The following NAA11 variants were observed in gnomAD, a reference collection of about 807,000 sequenced individuals.
The protein encoded by NAA11 is N-alpha-acetyltransferase 11.
Under a neutral mutation model 16.1 loss-of-function variants are expected in NAA11, and 15 were observed. The ratio of observed to expected loss-of-function variants is 0.93; its 90% CI spans 0.62 to 1.44. The LOEUF is 1.44. NAA11 is among the 40% of genes most tolerant of loss of function. The probability of loss-of-function intolerance (pLI) is 0.00; values close to 1 mark genes in which losing one functional copy is unlikely to be tolerated. For missense variants in NAA11, 298 were observed against 291.3 expected, an observed-to-expected ratio of 1.02 and a Z score of -0.17; for synonymous variants, 122 against 112.4, an observed-to-expected ratio of 1.09 and a Z score of -0.54.
intron 2 of NAA11, among the ~76,000 whole-genome samples, chr4:79,280,138 G>T (rs1011022365): frequency 6.6e-6 from 1 of 152,112 alleles, no homozygotes; most frequent in Non-Finnish European, 1.5e-5. Flanking sequence ...AGCAAGTAAT[G>T]TTAAGTGCTG....
intron 2 of NAA11, among the ~76,000 whole-genome samples, chr4:79,248,193 G>C (rs1721887639): frequency 6.6e-6 from 1 of 152,076 alleles, no homozygotes; most frequent in Admixed American, 6.5e-5. Context: ...CCACATCATA[G>C]CTCATGCACA....
intron 2 of NAA11, among the ~76,000 whole-genome samples, chr4:79,281,034 T>C (rs994459715): frequency 5.3e-5 from 8 of 151,982 alleles, no homozygotes; most frequent in Non-Finnish European, 1.2e-4. Context: ...CTAACACTTA[T>C]CAATGCTTTC....
intron 2 of NAA11, among the ~76,000 whole-genome samples, chr4:79,275,503 C>T (rs965424878): frequency 2.0e-5 from 3 of 152,098 alleles, no homozygotes; most frequent in Admixed American, 2.0e-4. Context: ...AGTAAGGCAA[C>T]ATTTTCACTC....
chr4:79,292,892 A>T (rs1723119201), intron 2 of NAA11, among the ~76,000 whole-genome samples: 1 of 152,206 alleles, frequency 6.6e-6, no homozygotes, highest in African/African-American at 2.4e-5. Flanking sequence ...CTCTGACTCC[A>T]AAGCCAGGAT....
intron 2 of NAA11, among the ~76,000 whole-genome samples, chr4:79,274,201 T>C (rs192641048): frequency 3.0e-4 from 45 of 152,168 alleles, no homozygotes; most frequent in Middle Eastern, 6.8e-3. Flanking sequence ...TGGCTATGAG[T>C]AATGCCTCCT....
At chr4:79,223,533 A>G (rs1267954050), downstream of NAA11, among the ~76,000 whole-genome samples, 1 of 149,768 alleles carries the variant, frequency 6.7e-6, no homozygotes, top group Non-Finnish European at 1.5e-5. Context: ...ACCAGGAGAT[A>G]TACCTAATGC....
chr4:79,157,308 C>T, the NAA11 span, among the ~76,000 whole-genome samples: 71 of 152,192 alleles, frequency 4.7e-4, 1 homozygote, highest in Non-Finnish European at 8.8e-4. Flanking sequence ...GATGCCTTTG[C>T]ATCCTCATAG....
the NAA11 span, among the ~76,000 whole-genome samples, chr4:79,192,641 G>T: frequency 6.6e-6 from 1 of 152,024 alleles, no homozygotes; most frequent in Admixed American, 6.6e-5. Context: ...TGGGCATTTA[G>T]GTTGGTTCCA....
the NAA11 span, among the ~76,000 whole-genome samples, chr4:79,155,617 G>A: frequency 6.6e-6 from 1 of 152,314 alleles, no homozygotes; most frequent in Non-Finnish European, 1.5e-5. Flanking sequence ...ATCAAAGCTA[G>A]TGGAAGTACA....
chr4:79,220,889 A>G (rs1167370062), downstream of NAA11, among the ~76,000 whole-genome samples: 2 of 152,052 alleles, frequency 1.3e-5, no homozygotes, highest in African/African-American at 4.8e-5. Flanking sequence ...AATTTAAAGT[A>G]GTTTTTTCCA....
the NAA11 span, among the ~76,000 whole-genome samples, chr4:79,220,125 T>C: frequency 0.99 from 151,220 of 152,354 alleles, 75,055 homozygotes; most frequent in Middle Eastern, 1. Context: ...CGGAGTCTCA[T>C]TCTATCACCC....
chr4:79,227,146 T>C (rs1721336171), intron 2 of NAA11: 2 of 152,116 alleles, frequency 1.3e-5, no homozygotes, highest in Non-Finnish European at 2.9e-5. Flanking sequence ...TGGTATCTCA[T>C]TGTGGTTTTG....
downstream of NAA11, among the ~76,000 whole-genome samples, chr4:79,314,783 CTT>C (rs1406366249): frequency 6.6e-6 from 1 of 151,266 alleles, no homozygotes; most frequent in African/African-American, 2.4e-5. Flanking sequence ...AGAAGTGAAA[CTT>C]TTAAAAACCT....
chr4:79,166,039 A>G, the NAA11 span, among the ~76,000 whole-genome samples: 2 of 152,176 alleles, frequency 1.3e-5, no homozygotes, highest in Non-Finnish European at 2.9e-5. Flanking sequence ...TATTTTACCT[A>G]TAGGTGGTAG....
intron 1 of NAA11, among the ~76,000 whole-genome samples, chr4:79,320,789 A>G (rs1253036759): frequency 6.6e-6 from 1 of 151,960 alleles, no homozygotes; most frequent in African/African-American, 2.4e-5. Context: ...AATGAAAAAT[A>G]TTTTTTTTAG....
chr4:79,214,854 C>T, the NAA11 span, among the ~76,000 whole-genome samples: 8 of 152,176 alleles, frequency 5.3e-5, no homozygotes, highest in East Asian at 3.9e-4. Flanking sequence ...ATTTCTCACC[C>T]TCTCTTGCAT....
the NAA11 span, among the ~76,000 whole-genome samples, chr4:79,206,760 T>A: frequency 1.3e-5 from 2 of 152,154 alleles, no homozygotes; most frequent in Non-Finnish European, 2.9e-5. Flanking sequence ...ATAAGGTAGA[T>A]GCGTCAAGTT....
intron 2 of NAA11, among the ~76,000 whole-genome samples, chr4:79,243,392 T>A (rs1721737499): frequency 6.6e-6 from 1 of 152,218 alleles, no homozygotes; most frequent in African/African-American, 2.4e-5. Context: ...CCCCCACATA[T>A]GCGCTTACAC....
chr4:79,228,696 T>TACAG (rs1721384720), intron 2 of NAA11, among the ~76,000 whole-genome samples: 1 of 151,972 alleles, frequency 6.6e-6, no homozygotes, highest in Non-Finnish European at 1.5e-5. Context: ...GTATCACAGG[T>TACAG]GTTTTATCCA....
Sources: allele counts gnomAD v4.1 joint callset (sites outside exome capture counted in the v4.1 genomes callset), GRCh38; gene constraint gnomAD v4.1.1; transcripts MANE v1.5; gene names NCBI Gene and HGNC (gene_info 2026-07-23, HGNC 2026-07-21).